Variants in FER1L6 observed in about 807,000 individuals in gnomAD.
The protein encoded by FER1L6 is fer-1 like family member 6.
Under a neutral mutation model 219.2 loss-of-function variants are expected in FER1L6, and 177 were observed. The observed-to-expected ratio is 0.81, with a 90% CI of 0.71 to 0.91. FER1L6 has a LOEUF of 0.91. Among genes scored for constraint, FER1L6 ranks in the 40% least tolerant of loss-of-function variants. The pLI is 0.00. For synonymous variants in FER1L6, 768 were observed against 824.3 expected, an observed-to-expected ratio of 0.93 and a Z score of 1.17; for missense variants, 2,153 against 2,259.9, an observed-to-expected ratio of 0.95 and a Z score of 0.96.
At position 124,119,767 on chromosome 8, in the gene FER1L6, C is replaced by T. The variant is rs201702749; in HGVS notation, c.5551C>T (p.Arg1851Ter). 64 of 1,613,834 alleles carry T rather than the reference C, an allele frequency of 4.0e-5. No homozygotes were observed. The highest frequency in any genetic ancestry group is 1.7e-5 in the Admixed American group (1 of 59,982). ...FIYTLPGAIS[R>*]RIVVGS ...CTACACCTTGCCAGGAGCCATCAGC[C>T]GAAGGATCGTTGTGGGCTCATAGAG... The change falls in exon 41 of 41, where the codon CGA (arginine) becomes TGA (stop). Residue 1851 changes from arginine to a stop codon, truncating the protein, a stop_gained. Coordinates refer to ENST00000522917, the MANE Select transcript of FER1L6 (RefSeq NM_001039112.2). LOFTEE classifies it high-confidence loss of function.
At chr8:123,907,407 A>AC (rs1451186505) in intron 1 of FER1L6, among the ~76,000 whole-genome samples, 1 of 152,064 alleles carries the variant, frequency 6.6e-6, no homozygotes, top group African/African-American at 2.4e-5. Context: ...ATGCTTCCTT[A>AC]TTGATAGTCA....
intron 22 of FER1L6, among the ~76,000 whole-genome samples, chr8:124,051,044 AG>A (rs1819998170): frequency 6.6e-6 from 1 of 152,206 alleles, no homozygotes; most frequent in African/African-American, 2.4e-5. Flanking sequence ...TAACACAAAC[AG>A]AATGAGTTAA....
chr8:123,965,489 G>A (rs1815496410), intron 3 of FER1L6, among the ~76,000 whole-genome samples: 1 of 152,194 alleles, frequency 6.6e-6, no homozygotes, highest in African/African-American at 2.4e-5. Flanking sequence ...CCCCTGGAAT[G>A]TGAAATTTCA....
chr8:123,959,809 C>T (rs1174696120), intron 2 of FER1L6, among the ~76,000 whole-genome samples: 1 of 152,098 alleles, frequency 6.6e-6, no homozygotes, highest in Non-Finnish European at 1.5e-5. Context: ...GGCCACTGTC[C>T]CTATTCCACT....
intron 20 of FER1L6, among the ~76,000 whole-genome samples, chr8:124,042,091 G>C (rs1346435011): frequency 6.6e-6 from 1 of 152,176 alleles, no homozygotes; most frequent in Non-Finnish European, 1.5e-5. Flanking sequence ...TCCTCCACCT[G>C]CCACAACACT....
chr8:123,945,029 T>C (rs994983716), intron 1 of FER1L6, among the ~76,000 whole-genome samples: 9 of 152,336 alleles, frequency 5.9e-5, no homozygotes, highest in East Asian at 1.9e-4. Flanking sequence ...CCATCATAGA[T>C]TGGGGATCAA....
chr8:124,094,092 C>A (rs1822171242), intron 34 of FER1L6, among the ~76,000 whole-genome samples: 1 of 152,118 alleles, frequency 6.6e-6, no homozygotes, highest in Admixed American at 6.5e-5. Context: ...AGCACATTTC[C>A]TGTGGGTGGG....
chr8:123,877,626 C>G (rs1817026334), intron 1 of FER1L6, among the ~76,000 whole-genome samples: 1 of 152,126 alleles, frequency 6.6e-6, no homozygotes, highest in Admixed American at 6.5e-5. Context: ...CTGGTAGCCT[C>G]ATCTTGCTTG....
At chr8:123,959,010 T>C (rs530663277) in intron 2 of FER1L6, among the ~76,000 whole-genome samples, 1 of 152,140 alleles carries the variant, frequency 6.6e-6, no homozygotes, top group Non-Finnish European at 1.5e-5. Context: ...AGGTCCCTAA[T>C]TGCAGATTGT....
At chr8:123,920,668 G>A (rs1215653383) in intron 1 of FER1L6, among the ~76,000 whole-genome samples, 1 of 152,190 alleles carries the variant, frequency 6.6e-6, no homozygotes. Context: ...GGATTTTATG[G>A]TCTGCTGCTG....
In FER1L6 at chr8:124,069,479, T is replaced by C; in HGVS notation, c.3834+4T>C. The C allele has an allele frequency of 1.9e-6, 3 of 1,599,624 alleles. No individual in the cohort carries two copies. The highest frequency in any genetic ancestry group is 2.6e-6 in the Non-Finnish European group (3 of 1,172,272). On this transcript the variant is annotated splice_donor_region_variant and intron_variant, in intron 29 of 40. Transcript: ENST00000522917. ...CCCCAACCTGGCCATCTTGCAGGTA[T>C]GTGGGGACACAGGCATCTCTGCCAT...
chr8:123,859,887 AT>A (rs948122410), intron 1 of FER1L6, among the ~76,000 whole-genome samples: 1 of 146,842 alleles, frequency 6.8e-6, no homozygotes, highest in Non-Finnish European at 1.5e-5. Context: ...TGAACTCATC[AT>A]TTTTTATGGC....
chr8:123,873,495 C>T (rs1189425390), intron 1 of FER1L6, among the ~76,000 whole-genome samples: 1 of 152,180 alleles, frequency 6.6e-6, no homozygotes, highest in African/African-American at 2.4e-5. Flanking sequence ...TATTATTGAA[C>T]TTTGAAGCGG....
chr8:123,913,219 C>T (rs556700022), intron 1 of FER1L6, among the ~76,000 whole-genome samples: 172 of 151,568 alleles, frequency 1.1e-3, no homozygotes, highest in South Asian at 2.1e-3. Flanking sequence ...TACCTACTAA[C>T]TACAGAAAGT....
At chr8:124,109,032 A>G (rs187434895) in intron 39 of FER1L6, among the ~76,000 whole-genome samples, 1 of 152,298 alleles carries the variant, frequency 6.6e-6, no homozygotes, top group East Asian at 1.9e-4. Flanking sequence ...TGAAATGGCT[A>G]CGTTGTCTGG....
intron 1 of FER1L6, among the ~76,000 whole-genome samples, chr8:123,936,479 T>TC (rs1563694415): frequency 4.8e-5 from 7 of 147,056 alleles, no homozygotes; most frequent in African/African-American, 7.5e-5. Flanking sequence ...TTTTTTTTTT[T>TC]TTTTTTTGTA....
intron 1 of FER1L6, among the ~76,000 whole-genome samples, chr8:123,953,823 A>G (rs1418318613): frequency 6.6e-6 from 1 of 152,222 alleles, no homozygotes; most frequent in Non-Finnish European, 1.5e-5. Context: ...CCTGGGGACC[A>G]TAAATGCTGA....
intron 1 of FER1L6, among the ~76,000 whole-genome samples, chr8:123,898,144 A>C (rs956017775): frequency 2.6e-5 from 4 of 152,186 alleles, no homozygotes; most frequent in Non-Finnish European, 4.4e-5. Flanking sequence ...AAAATAAAAA[A>C]TCAGTTATTA....
intron 1 of FER1L6, among the ~76,000 whole-genome samples, chr8:123,858,280 T>C (rs1816683822): frequency 6.6e-6 from 1 of 152,200 alleles, no homozygotes; most frequent in Admixed American, 6.5e-5. Flanking sequence ...TGGTGCTGTT[T>C]TTAGAATATA....
Sources: gnomAD v4.1 joint callset for allele counts (sites outside exome capture counted in the v4.1 genomes callset) on GRCh38, gnomAD v4.1.1 for gene constraint, MANE v1.5 for transcripts, NCBI Gene and HGNC (gene_info 2026-07-23, HGNC 2026-07-21) for gene names.